SYNPO: variants seen among roughly 807,000 people sequenced by gnomAD.
SYNPO encodes synaptopodin.
A neutral mutation model predicts 49.5 loss-of-function variants in SYNPO; 19 were observed. That is an observed-to-expected ratio of 0.38 (90% CI 0.27 to 0.56). The LOEUF (loss-of-function observed/expected upper bound fraction) is 0.56. Ranked by LOEUF, SYNPO falls within the 20% of genes least tolerant of loss-of-function variation. The pLI, the probability that SYNPO is intolerant of heterozygous loss-of-function variation, is 0.68. For missense variants in SYNPO, 1,131 were observed against 1,248.3 expected (o/e 0.91, Z 1.42); for synonymous variants, 536 against 548.0 (o/e 0.98, Z 0.31).
rs41364946 is a variant in SYNPO, at chr5:150,656,557, A to G, written c.2182A>G (p.Met728Val). ...CCCGCCGCTGCCGCCGCCACCGCCC[A>G]TGTCTCCCTCGTGGAGCGAGCGCTC... ...SPPPLPPPPP[M>V]SPSWSERSVS... Residue 728 changes from methionine (M) to valine (V), a missense_variant, in exon 3 of 3, where the codon ATG becomes GTG. Met to Val is a conservative substitution (Grantham distance 21). This residue lies in a region of SYNPO where 509 missense variants were observed against 484.5 expected (regional missense o/e 1.05). Transcript: ENST00000307662. 33,206 of 1,526,428 alleles carry G rather than the reference A, an allele frequency of 0.022. 425 individuals carry two copies. Among genetic ancestry groups the G allele is most frequent in the Non-Finnish European group, 0.025 (28,732 of 1,143,524 alleles). The allele number at this position is 1,526,428 out of a possible 1,614,324, so 94.6% of individuals were successfully genotyped here.
chr5:150,605,940 A>G (rs1756682002), intron 1 of SYNPO, among the ~76,000 whole-genome samples: 1 of 152,184 alleles, frequency 6.6e-6, no homozygotes, highest in African/African-American at 2.4e-5. Flanking sequence ...CATATACATC[A>G]CACTTACACA....
Position 150,650,398 on chromosome 5 carries a change from T to C in SYNPO, c.2028+95T>C, listed in dbSNP as rs10078490. Reference sequence around the variant, plus strand: ...CCTTGAGGGCCAGATGGAGAGCAGATGTGGCAGGAAATGGCACAGAGCTGA... The same window carrying C: ...CCTTGAGGGCCAGATGGAGAGCAGACGTGGCAGGAAATGGCACAGAGCTGA... On this transcript the variant is annotated intron_variant, in intron 2 of 2. Transcript: ENST00000307662. The C allele has an allele frequency of 5.8e-3, 9,156 of 1,569,764 alleles. 488 individuals carry two copies. The African/African-American group carries it at 0.11, about 18-fold the overall frequency.
At chr5:150,638,434 G>A (rs1219004033), upstream of SYNPO, among the ~76,000 whole-genome samples, 1 of 152,188 alleles carries the variant, frequency 6.6e-6, no homozygotes, top group Non-Finnish European at 1.5e-5. Context: ...CTTGGATTTA[G>A]ACAAATCTAA....
upstream of SYNPO, among the ~76,000 whole-genome samples, chr5:150,639,206 C>A (rs954015734): frequency 6.6e-6 from 1 of 152,246 alleles, no homozygotes; most frequent in Non-Finnish European, 1.5e-5. Context: ...GTCAGGCTTG[C>A]GCTGACTGTG....
At chr5:150,607,778 TA>T (rs11370207) in intron 1 of SYNPO, among the ~76,000 whole-genome samples, 134 of 146,588 alleles carry the variant, frequency 9.1e-4, no homozygotes, top group Admixed American at 3.0e-3. Context: ...ACTAAAAAGT[TA>T]AAAAAAAAAA....
At chr5:150,641,150 G>T (rs1227739572) in intron 1 of SYNPO, among the ~76,000 whole-genome samples, 1 of 152,336 alleles carries the variant, frequency 6.6e-6, no homozygotes, top group South Asian at 2.1e-4. Flanking sequence ...ATGACTCTGG[G>T]GATGGAGAAT....
rs1304500957 is a variant in SYNPO at position 150,618,532 on chromosome 5, G to C, written c.165G>C (p.Leu55=). The C allele has an allele frequency of 4.5e-6, 7 of 1,550,900 alleles. No homozygotes were observed. The Admixed American group carries it at 1.2e-4, about 26-fold the overall frequency. ...AGGGAGAGGTGGGGCCTACCGACCT[G>C]GAAGAGGATGAGGGGGTCAGCAGGA... The change falls in exon 2 of 3, where the codon CTG becomes CTC. Residue 55 remains leucine, a synonymous_variant. Transcript: ENST00000394243.
intron 2 of SYNPO, among the ~76,000 whole-genome samples, chr5:150,631,661 C>A (rs1052183914): frequency 6.6e-6 from 1 of 152,090 alleles, no homozygotes; most frequent in African/African-American, 2.4e-5. Flanking sequence ...TGGGTCTTTG[C>A]TCCTTTCCTT....
At chr5:150,602,096 G>C (rs1466056027) in intron 1 of SYNPO, among the ~76,000 whole-genome samples, 1 of 152,232 alleles carries the variant, frequency 6.6e-6, no homozygotes, top group Admixed American at 6.5e-5. Flanking sequence ...ACACTGGGAT[G>C]TGGGCTCAGC....
intron 2 of SYNPO, among the ~76,000 whole-genome samples, chr5:150,626,238 C>T (rs570715728): frequency 6.0e-4 from 92 of 152,290 alleles, no homozygotes; most frequent in African/African-American, 2.0e-3. Context: ...CATATTGTCT[C>T]AGGCAGGCAG....
chr5:150,591,094 C>T, the SYNPO span, among the ~76,000 whole-genome samples: 3 of 151,766 alleles, frequency 2.0e-5, no homozygotes, highest in Admixed American at 6.6e-5. Flanking sequence ...GTGTCTGGGC[C>T]GGAAGGTCTG....
At chr5:150,618,382 C>T in exon 2 of SYNPO, 3 of 1,550,230 alleles carry the variant, frequency 1.9e-6, no homozygotes, top group Non-Finnish European at 2.6e-6. Flanking sequence ...TGGGTCCTCA[C>T]CTCCCACCTC....
the SYNPO span, among the ~76,000 whole-genome samples, chr5:150,587,682 C>T: frequency 6.6e-6 from 1 of 152,090 alleles, no homozygotes; most frequent in Non-Finnish European, 1.5e-5. Context: ...AGCTCAGTTC[C>T]CTCTTATAGG....
chr5:150,597,142 A>C (rs1756439997), upstream of SYNPO, among the ~76,000 whole-genome samples: 1 of 152,088 alleles, frequency 6.6e-6, no homozygotes, highest in Admixed American at 6.6e-5. Flanking sequence ...TGTTTCTTCA[A>C]GTCTCCATTT....
Position 150,656,582 on chromosome 5 carries a change from C to T in SYNPO, c.2207C>T (p.Ser736Leu), listed in dbSNP as rs755686994. ...PPMSPSWSER[S>L]VSPLRPETEA... ...ATGTCTCCCTCGTGGAGCGAGCGCTCGGTGTCCCCGCTGCGACCTGAGACC... is the reference window on the plus strand; with the variant it reads ...ATGTCTCCCTCGTGGAGCGAGCGCTTGGTGTCCCCGCTGCGACCTGAGACC... The change falls in exon 3 of 3, where the codon TCG (serine) becomes TTG (leucine). Residue 736 changes from serine to leucine, a missense_variant. By Grantham distance (145) the Ser-to-Leu change is moderately radical (BLOSUM62 -2). Around this residue, in one of 4 missense-constraint regions of SYNPO, gnomAD observed 509 missense variants for 484.5 expected, o/e 1.05. Coordinates refer to ENST00000307662, the MANE Select transcript of SYNPO (RefSeq NM_007286.6). 13 of 1,520,414 alleles carry T rather than the reference C, an allele frequency of 8.6e-6. No individual in the cohort carries two copies. Among genetic ancestry groups the T allele is most frequent in the South Asian group, 1.2e-5 (1 of 82,334 alleles). The allele number at this position is 1,520,414 out of a possible 1,614,324, so 94.2% of individuals were successfully genotyped here.
intron 2 of SYNPO, among the ~76,000 whole-genome samples, chr5:150,654,961 A>G (rs921018778): frequency 6.6e-6 from 1 of 152,152 alleles, no homozygotes; most frequent in Non-Finnish European, 1.5e-5. Context: ...CCCCGTCTCT[A>G]CTAAAAATAC....
At chr5:150,642,740 A>T (rs1212040260) in intron 1 of SYNPO, among the ~76,000 whole-genome samples, 1 of 152,204 alleles carries the variant, frequency 6.6e-6, no homozygotes, top group African/African-American at 2.4e-5. Flanking sequence ...CTCCTGCTGA[A>T]TTCCTTTTCC....
upstream of SYNPO, among the ~76,000 whole-genome samples, chr5:150,598,612 A>G (rs1226624597): frequency 6.6e-6 from 1 of 152,206 alleles, no homozygotes; most frequent in South Asian, 2.1e-4. Flanking sequence ...TATCCAGATA[A>G]GTATCCAGAT....
the SYNPO span, among the ~76,000 whole-genome samples, chr5:150,587,876 T>C: frequency 6.6e-6 from 1 of 152,164 alleles, no homozygotes; most frequent in Non-Finnish European, 1.5e-5. Context: ...TCATTGGGAC[T>C]CCATTTTCTC....
Sources: gnomAD v4.1 joint callset for allele counts (sites outside exome capture counted in the v4.1 genomes callset) on GRCh38, gnomAD v4.1.1 for gene constraint, gnomAD v4.1.1 regional missense constraint, MANE v1.5 for transcripts, NCBI Gene and HGNC (gene_info 2026-07-23, HGNC 2026-07-21) for gene names.